USP31: variants seen among roughly 807,000 people sequenced by gnomAD.
USP31 encodes the protein ubiquitin specific peptidase 31, also known as ubiquitin carboxyl-terminal hydrolase 31.
Under a neutral mutation model 119.4 loss-of-function variants are expected in USP31, and 44 were observed. The observed-to-expected ratio is 0.37, with a 90% CI of 0.29 to 0.47. The LOEUF is 0.47. USP31 is among the 20% of genes least tolerant of loss of function. USP31 has a pLI of 0.99. For synonymous variants in USP31, 749 were observed against 705.6 expected (o/e 1.06, Z -0.97); for missense variants, 1,643 against 1,730.2 (o/e 0.95, Z 0.89).
intron 1 of USP31, among the ~76,000 whole-genome samples, chr16:23,147,271 T>C (rs1424433344): frequency 6.6e-6 from 1 of 151,798 alleles, no homozygotes; most frequent in Non-Finnish European, 1.5e-5. Context: ...ACCACGCCCG[T>C]CTAATTTTGT....
intron 15 of USP31, 81 bp downstream of exon 15, chr16:23,071,964 A>G: frequency 6.5e-7 from 1 of 1,532,250 alleles, no homozygotes; most frequent in Non-Finnish European, 8.8e-7. Flanking sequence ...CTTGGGACTT[A>G]GCTCCTAGGA....
In USP31 at chr16:23,068,805, G is replaced by A. The variant is rs1281320638; in HGVS notation, c.3300C>T (p.Ser1100=). Residue 1100 remains serine (S), a synonymous_variant, in exon 16 of 16, where the codon TCC becomes TCT. Transcript: ENST00000219689. ...PAPAQPKKES[S]PKSQDSVSSP... is the part of the protein sequence containing the mutation. ...ATGACACGGAGTCCTGAGATTTCGG[G>A]GATGACTCCTTTTTGGGTTGGGCAG... 2.6e-6 allele frequency: 4 copies of A among 1,557,228 alleles called. No individual in the cohort carries two copies. In the African/African-American group the frequency reaches 5.5e-5, roughly 21 times the overall value.
rs2141911199 is a variant in USP31 at position 23,149,145 on chromosome 16, C to T, written c.126G>A (p.Gly42=). ...AGGAAGGCGCGGCCGGCCCGGACGCCCCGGGGCCCCCCGCGCCGCCGCCGC... is the reference window on the plus strand; with the variant it reads ...AGGAAGGCGCGGCCGGCCCGGACGCTCCGGGGCCCCCCGCGCCGCCGCCGC... ...RAGGGGAGGP[G]ASGPAAPSSP... The change falls in exon 1 of 16, where the codon GGG becomes GGA. Residue 42 remains glycine (G), a synonymous_variant. Coordinates refer to ENST00000219689, the MANE Select transcript of USP31 (RefSeq NM_020718.4). 1.7e-6 allele frequency: 2 copies of T among 1,185,016 alleles called. No homozygotes were observed. The highest frequency in any genetic ancestry group is 2.1e-6 in the Non-Finnish European group (2 of 950,864). The allele number at this position is 1,185,016 out of a possible 1,614,324, so 73.4% of individuals were successfully genotyped here.
chr16:23,134,196 G>A (rs139878971), intron 1 of USP31, among the ~76,000 whole-genome samples: 1 of 152,132 alleles, frequency 6.6e-6, no homozygotes. Context: ...TAAGTAGCAT[G>A]AGAAAGAAGA....
intron 2 of USP31, 127 bp downstream of exon 2, chr16:23,107,919 C>A (rs1223947039): frequency 1.7e-6 from 2 of 1,176,034 alleles, no homozygotes; most frequent in Non-Finnish European, 2.3e-6. Flanking sequence ...TAAGTAGCCA[C>A]TGAATCTTAT....
rs573257964 is a variant in USP31 at position 23,104,817 on chromosome 16, T to C, written c.1089+624A>G. Among the ~76,000 whole-genome samples, 4 of 152,342 alleles carry C rather than the reference T, an allele frequency of 2.6e-5. No homozygotes were observed. In the South Asian group the frequency reaches 8.3e-4, roughly 32 times the overall value. ...ATAATAGTAAATTGAGTAAAAGCTA[T>C]ATGCAAAAACATGTCAAGTCCAAAC... is the stretch of plus-strand genomic sequence containing the variant. On this transcript the variant is annotated intron_variant, in intron 5 of 15. Transcript: ENST00000219689.
At chr16:23,101,750 T>C (rs902096574) in intron 6 of USP31, among the ~76,000 whole-genome samples, 2 of 152,014 alleles carry the variant, frequency 1.3e-5, no homozygotes, top group Non-Finnish European at 2.9e-5. Flanking sequence ...GCTTGGTAAC[T>C]CTTAAAATCA....
chr16:23,089,652 G>A (rs770818408), intron 7 of USP31, among the ~76,000 whole-genome samples: 16 of 152,194 alleles, frequency 1.1e-4, no homozygotes, highest in Non-Finnish European at 2.1e-4. Flanking sequence ...GAAACACTGA[G>A]TCCTTTCTCC....
chr16:23,120,791 G>A (rs1354130914), intron 1 of USP31, among the ~76,000 whole-genome samples: 1 of 152,234 alleles, frequency 6.6e-6, no homozygotes, highest in Non-Finnish European at 1.5e-5. Context: ...CCTCTCCGAA[G>A]TGGAAGTAAA....
At position 23,063,747 on chromosome 16, in the gene USP31, G is replaced by C. The variant is rs1037441587; in HGVS notation, c.*4299C>G. 9 of 149,916 alleles carry C rather than the reference G, an allele frequency of 6.0e-5. No homozygotes were observed. Among genetic ancestry groups the C allele is most frequent in the African/African-American group, 2.2e-4 (9 of 40,898 alleles). The allele number at this position is 149,916 out of a possible 1,614,324, so 9.3% of individuals were successfully genotyped here. A position where few individuals can be genotyped will look rare whatever the true frequency, so the allele number is the denominator to read the frequency against. ...CATAATTGTTGCCTTTTTTTTTTAA[G>C]ACTTAACATTTCATGTCTATATGTT... On this transcript the variant is annotated 3_prime_UTR_variant, in exon 16 of 16. Transcript: ENST00000219689.
At chr16:23,148,031 C>T (rs1349749565) in intron 1 of USP31, among the ~76,000 whole-genome samples, 1 of 152,120 alleles carries the variant, frequency 6.6e-6, no homozygotes, top group South Asian at 2.1e-4. Flanking sequence ...TCGTTAACTT[C>T]TTCAAGTCTT....
Position 23,129,274 on chromosome 16 carries a change from T to C in USP31, c.633+19364A>G, listed in dbSNP as rs555146152. Among the ~76,000 whole-genome samples the C allele has an allele frequency of 5.9e-5, 9 of 152,294 alleles. No homozygotes were observed. In the South Asian group the frequency reaches 1.2e-3, roughly 21 times the overall value. ...GAGCGACAACAGATGTATCAATCCATTGAAATTTTGGAAACTTATTTGGAT... is the reference window on the plus strand; with the variant it reads ...GAGCGACAACAGATGTATCAATCCACTGAAATTTTGGAAACTTATTTGGAT... On this transcript the variant is annotated intron_variant, in intron 1 of 15. Transcript: ENST00000219689.
chr16:23,069,767 G>C (rs893504942), intron 15 of USP31, 151 bp from the exon 16 acceptor site: 1 of 1,049,510 alleles, frequency 9.5e-7, no homozygotes, highest in African/African-American at 1.6e-5. Context: ...AGGAGTCCCT[G>C]TGTGGCTTTG....
intron 1 of USP31, among the ~76,000 whole-genome samples, chr16:23,137,341 G>C (rs563410346): frequency 6.6e-6 from 1 of 152,304 alleles, no homozygotes; most frequent in East Asian, 1.9e-4. Context: ...TCCATTATTG[G>C]TGAGAATGTA....
Position 23,069,883 on chromosome 16 carries a change from C to T in USP31, c.2489-267G>A, listed in dbSNP as rs368696272. Among the ~76,000 whole-genome samples, 4 of 152,182 alleles carry T rather than the reference C, an allele frequency of 2.6e-5. No homozygotes were observed. The East Asian group carries it at 7.7e-4, about 29-fold the overall frequency. On this transcript the variant is annotated intron_variant, in intron 15 of 15. Coordinates refer to ENST00000219689, the MANE Select transcript of USP31 (RefSeq NM_020718.4). ...CGCCTCCTTGCCCTACATCAGGGCT[C>T]GGTATAACTTTTCCTGTGAAGGCCT...
rs541860459 is a variant in USP31 at position 23,067,866 on chromosome 16, A to G, written c.*180T>C. The G allele has an allele frequency of 1.2e-4, 90 of 758,276 alleles. 1 individual carries two copies. In the South Asian group the frequency reaches 2.1e-3, roughly 18 times the overall value. 47.0% of individuals were successfully genotyped at this position (758,276 alleles called of 1,614,324 possible). On this transcript the variant is annotated 3_prime_UTR_variant, in exon 16 of 16. Coordinates refer to ENST00000219689, the MANE Select transcript of USP31 (RefSeq NM_020718.4). ...TTTGGTTCAATGGCAGAATAAGGCG[A>G]CGCTTTGAACAATTTGCAATTGAAT...
rs1900044680 is a variant in USP31, at chr16:23,065,846, A to C, written c.*2200T>G. The C allele has an allele frequency of 6.6e-6, 1 of 152,218 alleles. No homozygotes were observed. The highest frequency in any genetic ancestry group is 6.5e-5 in the Admixed American group (1 of 15,286). The allele number at this position is 152,218 out of a possible 1,614,324, so 9.4% of individuals were successfully genotyped here. ...AAGTGTTATTAAAAACCTTTGTCTAATCAAACTATAATTGTTTCAGAGATT... is the reference window on the plus strand; with the variant it reads ...AAGTGTTATTAAAAACCTTTGTCTACTCAAACTATAATTGTTTCAGAGATT... On this transcript the variant is annotated 3_prime_UTR_variant, in exon 16 of 16. Coordinates refer to ENST00000219689, the MANE Select transcript of USP31 (RefSeq NM_020718.4).
At position 23,084,859 on chromosome 16, in the gene USP31, C is replaced by A. The variant is rs1417705160; in HGVS notation, c.1830+1G>T. ...CCAAGAAATGCTGCCCAGTCTCTTA[C>A]CCGCTCCTCTTTGGTGTACAGTTGG... is the stretch of plus-strand genomic sequence containing the variant. On this transcript the variant is annotated splice_donor_variant, in intron 11 of 15. Transcript: ENST00000219689. LOFTEE classifies it high-confidence loss of function. The A allele has an allele frequency of 6.2e-7, 1 of 1,613,888 alleles. No individual in the cohort carries two copies. The highest frequency in any genetic ancestry group is 2.2e-5 in the East Asian group (1 of 44,884).
intron 15 of USP31, among the ~76,000 whole-genome samples, chr16:23,070,142 C>A (rs890213187): frequency 6.6e-6 from 1 of 152,216 alleles, no homozygotes; most frequent in Non-Finnish European, 1.5e-5. Flanking sequence ...CCCAACAGAG[C>A]ACCTGGCATT....
Sources: gnomAD v4.1 joint callset for allele counts (sites outside exome capture counted in the v4.1 genomes callset) on GRCh38, gnomAD v4.1.1 for gene constraint, MANE v1.5 for transcripts, NCBI Gene and HGNC (gene_info 2026-07-23, HGNC 2026-07-21) for gene names.